The following LRRC37A2 variants were observed in gnomAD, a reference collection of about 807,000 sequenced individuals.
The protein encoded by LRRC37A2 is leucine rich repeat containing 37 member A2.
LRRC37A2 carries 9 observed loss-of-function variants against 68.8 expected under a neutral mutation model. The observed-to-expected ratio is 0.13, with a 90% CI of 0.08 to 0.23. The LOEUF (loss-of-function observed/expected upper bound fraction) is 0.23. Ranked by LOEUF, LRRC37A2 falls within the 10% of genes least tolerant of loss-of-function variation. LRRC37A2 has a pLI of 1.00. For synonymous variants in LRRC37A2, 63 were observed against 367.6 expected (o/e 0.17, Z 9.48); for missense variants, 168 against 950.4 (o/e 0.18, Z 10.82).
chr17:46,802,268 CTTTTATT>C, the LRRC37A2 span, among the ~76,000 whole-genome samples: 1 of 151,924 alleles, frequency 6.6e-6, no homozygotes, highest in African/African-American at 2.4e-5. Context: ...ACTTTCTTTT[CTTTTATT>C]TATTTATTTT....
chr17:46,978,680 T>C, the LRRC37A2 span: 2 of 1,610,402 alleles, frequency 1.2e-6, no homozygotes, highest in Non-Finnish European at 1.7e-6. Context: ...CCCACGTCCT[T>C]GGAGGGCCGG....
the LRRC37A2 span, among the ~76,000 whole-genome samples, chr17:46,860,496 C>G: frequency 6.6e-6 from 1 of 152,198 alleles, no homozygotes; most frequent in African/African-American, 2.4e-5. Flanking sequence ...CACTTACTGA[C>G]TGACCCAGGG....
the LRRC37A2 span, among the ~76,000 whole-genome samples, chr17:46,896,430 G>GAAAT: frequency 2.9e-5 from 3 of 103,498 alleles, no homozygotes; most frequent in East Asian, 5.1e-4. Flanking sequence ...AAGAAAGAAA[G>GAAAT]AAAGAAAGAA....
chr17:46,497,245 G>A, the LRRC37A2 span, among the ~76,000 whole-genome samples: 1 of 139,544 alleles, frequency 7.2e-6, no homozygotes, highest in African/African-American at 2.9e-5. Context: ...TCTTTTAAAT[G>A]TAATCTGACA....
chr17:46,987,301 G>T, the LRRC37A2 span, among the ~76,000 whole-genome samples: 1 of 151,974 alleles, frequency 6.6e-6, no homozygotes, highest in African/African-American at 2.4e-5. Flanking sequence ...ATGGGGAGGC[G>T]GTGAGGAAGA....
At chr17:46,843,589 G>A in the LRRC37A2 span, among the ~76,000 whole-genome samples, 2 of 152,176 alleles carry the variant, frequency 1.3e-5, no homozygotes, top group Admixed American at 1.3e-4. Flanking sequence ...CTGCTGCACA[G>A]TCGTTAAATA....
At chr17:46,836,095 C>CT in the LRRC37A2 span, among the ~76,000 whole-genome samples, 2 of 126,434 alleles carry the variant, frequency 1.6e-5, no homozygotes, top group African/African-American at 3.2e-5. Flanking sequence ...GAGACGCTGA[C>CT]GTGTGTGTGT....
the LRRC37A2 span, among the ~76,000 whole-genome samples, chr17:46,779,919 C>T: frequency 6.6e-6 from 1 of 152,224 alleles, no homozygotes; most frequent in East Asian, 1.9e-4. Context: ...TCACCATGCC[C>T]AGCTAATTTT....
chr17:46,621,318 G>A, the LRRC37A2 span, among the ~76,000 whole-genome samples: 4 of 138,982 alleles, frequency 2.9e-5, no homozygotes, highest in East Asian at 4.1e-4. Flanking sequence ...ATAGGGTCTC[G>A]CTCTGTTGCC....
the LRRC37A2 span, chr17:46,763,257 T>C: frequency 6.6e-6 from 1 of 152,248 alleles, no homozygotes; most frequent in African/African-American, 2.4e-5. Flanking sequence ...GTTGAACCAA[T>C]TCATACTGTG....
At chr17:46,792,896 T>G in the LRRC37A2 span, among the ~76,000 whole-genome samples, 2 of 151,968 alleles carry the variant, frequency 1.3e-5, no homozygotes, top group Non-Finnish European at 2.9e-5. Flanking sequence ...TAACGGATGA[T>G]GACATGGGCT....
chr17:46,846,217 T>C, the LRRC37A2 span, among the ~76,000 whole-genome samples: 58 of 152,238 alleles, frequency 3.8e-4, no homozygotes, highest in Admixed American at 3.8e-3. Flanking sequence ...GCTCATCCTG[T>C]CTCTCATGAA....
chr17:46,980,873 A>G, the LRRC37A2 span, among the ~76,000 whole-genome samples: 2 of 152,174 alleles, frequency 1.3e-5, no homozygotes, highest in East Asian at 3.9e-4. Flanking sequence ...AGAAAAAAAG[A>G]ATCAAAAAGT....
At chr17:46,896,429 AG>A in the LRRC37A2 span, among the ~76,000 whole-genome samples, 4 of 93,362 alleles carry the variant, frequency 4.3e-5, no homozygotes, top group Middle Eastern at 5.0e-3. Context: ...AAAGAAAGAA[AG>A]AAAGAAAGAA....
chr17:46,941,809 C>G, the LRRC37A2 span: 4 of 302,554 alleles, frequency 1.3e-5, no homozygotes, highest in Non-Finnish European at 1.9e-5. Context: ...TGGTCTTAAA[C>G]TCCTGGCCTC....
the LRRC37A2 span, among the ~76,000 whole-genome samples, chr17:46,880,297 C>A: frequency 2.0e-5 from 3 of 152,216 alleles, no homozygotes; most frequent in Non-Finnish European, 4.4e-5. Context: ...TGCTTTTGAA[C>A]CTTTCCTTTC....
the LRRC37A2 span, among the ~76,000 whole-genome samples, chr17:46,803,917 G>A: frequency 7.2e-5 from 11 of 152,152 alleles, no homozygotes; most frequent in Admixed American, 5.9e-4. Flanking sequence ...GGCTGTAGGC[G>A]GGCATTTCTC....
chr17:46,938,089 C>T, the LRRC37A2 span: 2 of 199,380 alleles, frequency 1.0e-5, no homozygotes, highest in Admixed American at 1.1e-4. Context: ...TCTCGAAATC[C>T]TGGCCTCAAG....
the LRRC37A2 span, among the ~76,000 whole-genome samples, chr17:46,946,895 C>T: frequency 4.6e-5 from 7 of 152,110 alleles, no homozygotes; most frequent in South Asian, 8.3e-4. Flanking sequence ...TGAGATGTCG[C>T]GGGGCAGCAG....
Sources: gnomAD v4.1 joint callset for allele counts (sites outside exome capture counted in the v4.1 genomes callset) on GRCh38, gnomAD v4.1.1 for gene constraint, MANE v1.5 for transcripts, NCBI Gene and HGNC (gene_info 2026-07-23, HGNC 2026-07-21) for gene names.